The following NAALADL2 variants were observed in gnomAD, a reference collection of about 807,000 sequenced individuals.
NAALADL2 encodes the protein N-acetylated alpha-linked acidic dipeptidase like 2.
In NAALADL2, 76 loss-of-function variants were observed where a neutral mutation model predicts 87.2. That is an observed-to-expected ratio of 0.87 (90% CI 0.72 to 1.05). The LOEUF (loss-of-function observed/expected upper bound fraction) is 1.05, where lower values mean the gene tolerates loss of function less well. Ranked by LOEUF, NAALADL2 falls within the 50% of genes least tolerant of loss-of-function variation. The probability of loss-of-function intolerance (pLI) is 0.00; values close to 1 mark genes in which losing one functional copy is unlikely to be tolerated. For missense variants in NAALADL2, 1,089 were observed against 945.8 expected (o/e 1.15, Z -1.99); for synonymous variants, 354 against 331.0 (o/e 1.07, Z -0.75).
At chr3:174,443,713 G>A (rs778482789) in intron 1 of NAALADL2, among the ~76,000 whole-genome samples, 5 of 152,140 alleles carry the variant, frequency 3.3e-5, no homozygotes, top group African/African-American at 9.7e-5. Context: ...GTACATAATG[G>A]TGTACGTCAG....
intron 3 of NAALADL2, among the ~76,000 whole-genome samples, chr3:174,842,997 T>A (rs1234012266): frequency 1.3e-5 from 2 of 152,298 alleles, no homozygotes; most frequent in Admixed American, 1.3e-4. Flanking sequence ...TGGTAAATTG[T>A]AATTGTATAT....
At chr3:175,126,339 C>T (rs1377519467) in intron 2 of NAALADL2, among the ~76,000 whole-genome samples, 2 of 152,074 alleles carry the variant, frequency 1.3e-5, no homozygotes, top group African/African-American at 2.4e-5. Context: ...GGAAAAGGTA[C>T]ATTTTAAAGC....
intron 2 of NAALADL2, among the ~76,000 whole-genome samples, chr3:175,215,891 C>T (rs1742445069): frequency 6.6e-6 from 1 of 152,038 alleles, no homozygotes; most frequent in South Asian, 2.1e-4. Flanking sequence ...AGGCTAGGTG[C>T]TAATAAACAT....
chr3:174,932,772 T>C (rs1737110809), intron 1 of NAALADL2, among the ~76,000 whole-genome samples: 1 of 152,204 alleles, frequency 6.6e-6, no homozygotes, highest in Non-Finnish European at 1.5e-5. Flanking sequence ...TATAGTGATA[T>C]GGTCAAGATT....
intron 9 of NAALADL2, among the ~76,000 whole-genome samples, chr3:175,562,836 GA>G (rs1389240182): frequency 6.6e-6 from 1 of 151,788 alleles, no homozygotes; most frequent in African/African-American, 2.4e-5. Context: ...AATATAAAGG[GA>G]ATATAATATT....
chr3:175,707,804 G>A (rs114173267), intron 11 of NAALADL2, among the ~76,000 whole-genome samples: 7 of 152,114 alleles, frequency 4.6e-5, no homozygotes, highest in Admixed American at 3.3e-4. Flanking sequence ...CTGCCCAGAT[G>A]AGGTTTAGAA....
At chr3:175,003,560 G>A (rs530476063) in intron 1 of NAALADL2, among the ~76,000 whole-genome samples, 6 of 152,120 alleles carry the variant, frequency 3.9e-5, no homozygotes, top group East Asian at 1.9e-4. Context: ...CTACCACTAC[G>A]CTCAGTGGTA....
intron 3 of NAALADL2, among the ~76,000 whole-genome samples, chr3:174,821,107 C>G (rs1721369498): frequency 6.6e-6 from 1 of 152,064 alleles, no homozygotes; most frequent in African/African-American, 2.4e-5. Context: ...AGTTAGGGCT[C>G]CACTCCCCTA....
chr3:174,606,037 G>A (rs1207697304), intron 2 of NAALADL2, among the ~76,000 whole-genome samples: 16 of 152,290 alleles, frequency 1.1e-4, no homozygotes, highest in African/African-American at 2.6e-4. Context: ...TGCAGCCACC[G>A]CTGCTGATAC....
chr3:174,642,021 A>T (rs546960466), intron 2 of NAALADL2, among the ~76,000 whole-genome samples: 1 of 152,180 alleles, frequency 6.6e-6, no homozygotes, highest in East Asian at 1.9e-4. Context: ...GACCTCCCAA[A>T]GTGCTAGGAT....
At chr3:175,798,721 C>CTACAT (rs560786535) in intron 13 of NAALADL2, among the ~76,000 whole-genome samples, 352 of 152,044 alleles carry the variant, frequency 2.3e-3, no homozygotes, top group African/African-American at 8.1e-3. Flanking sequence ...TTTTATTCTT[C>CTACAT]TACATTATAC....
chr3:175,667,233 AAGAAAGAAAAAG>A (rs1372997318), intron 11 of NAALADL2, among the ~76,000 whole-genome samples: 77 of 110,198 alleles, frequency 7.0e-4, no homozygotes, highest in East Asian at 5.8e-3. Context: ...GAAAGAAAGA[AAGAAAGAAAAAG>A]AAAGAAAGAA....
intron 5 of NAALADL2, among the ~76,000 whole-genome samples, chr3:175,405,609 A>G (rs190527916): frequency 6.6e-6 from 1 of 152,266 alleles, no homozygotes; most frequent in Admixed American, 6.5e-5. Context: ...TTCTTTCAAT[A>G]TATTTGGCAC....
chr3:175,310,727 T>C (rs1248234659), intron 4 of NAALADL2, among the ~76,000 whole-genome samples: 1 of 152,050 alleles, frequency 6.6e-6, no homozygotes, highest in Non-Finnish European at 1.5e-5. Flanking sequence ...TGCATGTCAC[T>C]ATGGTCATTT....
chr3:175,198,466 C>A (rs1273971310), intron 2 of NAALADL2, among the ~76,000 whole-genome samples: 1 of 151,864 alleles, frequency 6.6e-6, no homozygotes, highest in East Asian at 1.9e-4. Context: ...AAATTAGGTA[C>A]CTTAGTTACA....
At chr3:175,551,610 A>G (rs1033642308) in intron 9 of NAALADL2, among the ~76,000 whole-genome samples, 1 of 152,182 alleles carries the variant, frequency 6.6e-6, no homozygotes, top group Admixed American at 6.5e-5. Context: ...CAAAGTTCAC[A>G]CAAGAGGGGC....
chr3:174,603,975 C>T (rs1718719198), intron 2 of NAALADL2, among the ~76,000 whole-genome samples: 1 of 152,104 alleles, frequency 6.6e-6, no homozygotes, highest in Non-Finnish European at 1.5e-5. Flanking sequence ...TGTTTTGTGA[C>T]CTTACATATG....
At chr3:174,486,472 C>T (rs762993211) in intron 1 of NAALADL2, among the ~76,000 whole-genome samples, 6 of 151,970 alleles carry the variant, frequency 3.9e-5, no homozygotes, top group South Asian at 2.1e-4. Flanking sequence ...TTGTCAATTA[C>T]GCTTTAGGTT....
chr3:174,955,242 G>A (rs951683862), intron 1 of NAALADL2, among the ~76,000 whole-genome samples: 18 of 152,022 alleles, frequency 1.2e-4, no homozygotes, highest in Non-Finnish European at 2.2e-4. Flanking sequence ...TTCAAAGTTG[G>A]CAAGTGTACC....
Sources: allele counts gnomAD v4.1 joint callset (sites outside exome capture counted in the v4.1 genomes callset), GRCh38; gene constraint gnomAD v4.1.1; transcripts MANE v1.5; gene names NCBI Gene and HGNC (gene_info 2026-07-23, HGNC 2026-07-21).